ANO2: variants seen among roughly 807,000 people sequenced by gnomAD.
ANO2 encodes the protein anoctamin 2, also known as anoctamin-2.
In ANO2, 101 loss-of-function variants were observed where a neutral mutation model predicts 124.2. The observed-to-expected ratio is 0.81, with a 90% CI of 0.69 to 0.96. The LOEUF is 0.96. Among genes scored for constraint, ANO2 ranks in the 40% least tolerant of loss-of-function variants. The pLI is 0.00. For synonymous variants in ANO2, 486 were observed against 482.5 expected (o/e 1.01, Z -0.09); for missense variants, 1,293 against 1,274.5 (o/e 1.01, Z -0.22).
chr12:5,665,016 C>CT lies in ANO2; in HGVS notation c.1546-17216dup, dbSNP rs892088062. 2.8e-4 allele frequency among the ~76,000 whole-genome samples: 42 copies of CT among 150,452 alleles called. No homozygotes were observed. The East Asian group carries it at 3.3e-3, about 12-fold the overall frequency. ...AAGGACTTCTGTCCCTAAGCAAGGT[C>CT]TTTTTTTTTTCTTCAGGCAGCAAAT... is the stretch of plus-strand genomic sequence containing the variant. On this transcript the variant is annotated intron_variant, in intron 14 of 24. Coordinates refer to ENST00000682330, the MANE Select transcript of ANO2 (RefSeq NM_001364791.2).
chr12:5,655,205 T>C (rs1233890813), intron 14 of ANO2, among the ~76,000 whole-genome samples: 2 of 152,250 alleles, frequency 1.3e-5, no homozygotes, highest in African/African-American at 2.4e-5. Flanking sequence ...TACAATTTTA[T>C]CTTCGTTTTT....
At chr12:5,927,343 T>A (rs1942127867) in intron 1 of ANO2, among the ~76,000 whole-genome samples, 1 of 152,220 alleles carries the variant, frequency 6.6e-6, no homozygotes, top group African/African-American at 2.4e-5. Context: ...CTCGCAGGAC[T>A]GCAGGTACCT....
At chr12:5,761,672 A>G (rs908878894) in intron 10 of ANO2, among the ~76,000 whole-genome samples, 1 of 152,196 alleles carries the variant, frequency 6.6e-6, no homozygotes, top group Non-Finnish European at 1.5e-5. Flanking sequence ...AAGTTATTTT[A>G]AAGTTGGGCA....
chr12:5,654,485 GC>G (rs1215834999), intron 14 of ANO2, among the ~76,000 whole-genome samples: 3 of 152,300 alleles, frequency 2.0e-5, no homozygotes, highest in African/African-American at 7.2e-5. Flanking sequence ...GAGGAGCGGA[GC>G]TGAGGTGCTG....
At chr12:5,930,900 G>A (rs1387378681) in intron 1 of ANO2, among the ~76,000 whole-genome samples, 1 of 152,032 alleles carries the variant, frequency 6.6e-6, no homozygotes, top group Non-Finnish European at 1.5e-5. Context: ...CGCCTCCTGG[G>A]CTCTGCTTGT....
At chr12:5,745,814 A>G (rs1344725862) in intron 11 of ANO2, among the ~76,000 whole-genome samples, 1 of 152,188 alleles carries the variant, frequency 6.6e-6, no homozygotes, top group Non-Finnish European at 1.5e-5. Flanking sequence ...AAATAGTCAT[A>G]TCTTAATAAT....
At chr12:5,768,605 GC>G in intron 10 of ANO2, among the ~76,000 whole-genome samples, 1 of 152,316 alleles carries the variant, frequency 6.6e-6, no homozygotes, top group Non-Finnish European at 1.5e-5. Context: ...CACAGCCACA[GC>G]CCCTCAGACC....
intron 14 of ANO2, among the ~76,000 whole-genome samples, chr12:5,653,020 A>T (rs1946984480): frequency 6.6e-6 from 1 of 152,162 alleles, no homozygotes; most frequent in Non-Finnish European, 1.5e-5. Context: ...TTAAAGCAGG[A>T]CTGTAAAGAA....
At chr12:5,713,650 C>T (rs969474085) in intron 14 of ANO2, among the ~76,000 whole-genome samples, 4 of 152,168 alleles carry the variant, frequency 2.6e-5, no homozygotes, top group East Asian at 1.9e-4. Flanking sequence ...CGATGACACA[C>T]GGTGGGCTCT....
intron 24 of ANO2, among the ~76,000 whole-genome samples, chr12:5,565,092 G>A (rs774464316): frequency 3.3e-5 from 5 of 152,078 alleles, no homozygotes; most frequent in African/African-American, 4.8e-5. Context: ...GGCTCTGGGG[G>A]CCCTTCTCAC....
At chr12:5,813,630 T>C (rs894364110) in intron 7 of ANO2, among the ~76,000 whole-genome samples, 3 of 152,186 alleles carry the variant, frequency 2.0e-5, no homozygotes, top group African/African-American at 7.2e-5. Flanking sequence ...ATGCTCCTTA[T>C]TCTCCATCTT....
At chr12:5,735,816 C>T (rs1417130257) in intron 13 of ANO2, among the ~76,000 whole-genome samples, 1 of 152,020 alleles carries the variant, frequency 6.6e-6, no homozygotes, top group Admixed American at 6.5e-5. Context: ...GAGAATGACA[C>T]AAGCTGAGGT....
At chr12:5,940,654 C>A (rs986763948) in intron 1 of ANO2, among the ~76,000 whole-genome samples, 2 of 152,116 alleles carry the variant, frequency 1.3e-5, no homozygotes, top group Non-Finnish European at 2.9e-5. Context: ...AAATCAGAAC[C>A]CTCATAAATT....
At chr12:5,588,776 T>G (rs1351808965) in intron 20 of ANO2, among the ~76,000 whole-genome samples, 1 of 152,238 alleles carries the variant, frequency 6.6e-6, no homozygotes, top group African/African-American at 2.4e-5. Flanking sequence ...TGTGACACAT[T>G]GCACAATTGG....
intron 15 of ANO2, among the ~76,000 whole-genome samples, chr12:5,640,758 A>G (rs947978747): frequency 1.3e-5 from 2 of 152,188 alleles, no homozygotes; most frequent in East Asian, 1.9e-4. Context: ...AAATAGGAAC[A>G]CTTTTACACT....
At chr12:5,645,318 G>A (rs1314832042) in intron 15 of ANO2, among the ~76,000 whole-genome samples, 1 of 152,080 alleles carries the variant, frequency 6.6e-6, no homozygotes, top group Non-Finnish European at 1.5e-5. Flanking sequence ...GAACCCGGGG[G>A]GCGGAGGTTG....
intron 3 of ANO2, among the ~76,000 whole-genome samples, chr12:5,895,370 T>A (rs953887214): frequency 6.6e-6 from 1 of 152,200 alleles, no homozygotes; most frequent in Non-Finnish European, 1.5e-5. Flanking sequence ...AAGTTGCATA[T>A]CAGCTTAAGG....
At chr12:5,711,252 T>C (rs1311185816) in intron 14 of ANO2, among the ~76,000 whole-genome samples, 3 of 151,986 alleles carry the variant, frequency 2.0e-5, no homozygotes, top group Non-Finnish European at 4.4e-5. Context: ...AATGTCTTGG[T>C]GCCATTCTCA....
intron 3 of ANO2, among the ~76,000 whole-genome samples, chr12:5,884,947 G>T (rs1476344174): frequency 6.6e-6 from 1 of 152,194 alleles, no homozygotes; most frequent in Non-Finnish European, 1.5e-5. Context: ...ATCTGGTTCT[G>T]ATTTGCTGCA....
Sources: allele counts gnomAD v4.1 joint callset (sites outside exome capture counted in the v4.1 genomes callset), GRCh38; gene constraint gnomAD v4.1.1; transcripts MANE v1.5; gene names NCBI Gene and HGNC (gene_info 2026-07-23, HGNC 2026-07-21).